Variants in PDCL3 observed in about 807,000 individuals in gnomAD.
PDCL3 encodes the protein phosducin-like protein 3.
Under a neutral mutation model 26.5 loss-of-function variants are expected in PDCL3, and 22 were observed. The observed-to-expected ratio is 0.83, with a 90% confidence interval of 0.59 to 1.19. The LOEUF is 1.19. PDCL3 is among the 50% of genes most tolerant of loss of function. The pLI is 0.00. For missense variants in PDCL3, 246 were observed against 294.1 expected (o/e 0.84, Z 1.20); for synonymous variants, 81 against 104.9 (o/e 0.77, Z 1.39).
At chr2:100,566,748 C>A in intron 2 of PDCL3, 119 bp downstream of exon 2, 1 of 1,450,302 alleles carries the variant, frequency 6.9e-7, no homozygotes. Context: ...GTCTGTGGGA[C>A]CTCAGACAAA....
chr2:100,576,335 C>G lies in PDCL3; in HGVS notation c.578-19C>G. On this transcript the variant is annotated intron_variant, in intron 5 of 5. Coordinates refer to ENST00000264254, the MANE Select transcript of PDCL3 (RefSeq NM_024065.5). ...GCAGCACAGTGCCTTAGGCAATTTG[C>G]TTTTTCTTTACCATATAGAGTTGGA... The G allele has an allele frequency of 6.2e-7, 1 of 1,612,284 alleles. No homozygotes were observed. Among genetic ancestry groups the G allele is most frequent in the Non-Finnish European group, 8.5e-7 (1 of 1,179,318 alleles).
chr2:100,565,275 A>T (rs2104390564), intron 1 of PDCL3, among the ~76,000 whole-genome samples: 1 of 133,214 alleles, frequency 7.5e-6, no homozygotes, highest in Admixed American at 7.5e-5. Flanking sequence ...AGCCTGGAAG[A>T]TTTTTTTTTT....
At position 100,569,794 on chromosome 2, in the gene PDCL3, A is replaced by G. The variant is rs553082577; in HGVS notation, c.368+73A>G. 5.4e-5 allele frequency: 83 copies of G among 1,525,904 alleles called. No individual in the cohort carries two copies. The East Asian group carries it at 1.8e-3, about 34-fold the overall frequency. 94.5% of individuals were successfully genotyped at this position (1,525,904 alleles called of 1,614,324 possible). A position where few individuals can be genotyped will look rare whatever the true frequency, so the allele number is the denominator to read the frequency against. On this transcript the variant is annotated intron_variant, in intron 4 of 5. Coordinates refer to ENST00000264254, the MANE Select transcript of PDCL3 (RefSeq NM_024065.5). Reference sequence around the variant, plus strand: ...GTCTTCAGGATCTCAGGCGTTACCTATATCAGAGGGTTAAGAAATTTTTTT... The same window carrying G: ...GTCTTCAGGATCTCAGGCGTTACCTGTATCAGAGGGTTAAGAAATTTTTTT...
intron 5 of PDCL3, among the ~76,000 whole-genome samples, chr2:100,573,988 TATAG>T (rs1176982501): frequency 5.3e-5 from 8 of 152,166 alleles, no homozygotes; most frequent in African/African-American, 1.9e-4. Flanking sequence ...AAGATATATA[TATAG>T]AGAGAGATAT....
In PDCL3 at chr2:100,571,126, A is replaced by AAACAACAACAAAAAAAAAAAAC. The variant is rs1409370341; in HGVS notation, c.369-462_369-461insCAACAACAAAAAAAAAAAACAA. On this transcript the variant is annotated intron_variant, in intron 4 of 5. Coordinates refer to ENST00000264254, the MANE Select transcript of PDCL3 (RefSeq NM_024065.5). ...AACCCTGTCTTTACAAAAAAAAAAA[A>AAACAACAACAAAAAAAAAAAAC]AAAAAATCAGCTGGGCATGGTGGTG... 7.2e-3 allele frequency among the ~76,000 whole-genome samples: 1,034 copies of AAACAACAACAAAAAAAAAAAAC among 142,762 alleles called. 14 individuals are homozygous for AAACAACAACAAAAAAAAAAAAC. Among genetic ancestry groups the AAACAACAACAAAAAAAAAAAAC allele is most frequent in the African/African-American group, 0.025 (929 of 37,424 alleles). 93.7% of individuals were successfully genotyped at this position (142,762 alleles called of 152,430 possible).
chr2:100,563,963 G>A (rs780793732), intron 1 of PDCL3, among the ~76,000 whole-genome samples: 1 of 150,722 alleles, frequency 6.6e-6, no homozygotes, highest in Non-Finnish European at 1.5e-5. Context: ...CCAGGCTGGA[G>A]TGCAGTGGCT....
chr2:100,563,576 AC>A (rs1674998438), intron 1 of PDCL3: 2 of 148,740 alleles, frequency 1.3e-5, no homozygotes, highest in African/African-American at 5.0e-5. Flanking sequence ...TCCCTATCTG[AC>A]CGCTCGGGTT....
chr2:100,572,609 C>G (rs547777890), intron 5 of PDCL3, among the ~76,000 whole-genome samples: 113 of 152,054 alleles, frequency 7.4e-4, no homozygotes, highest in Admixed American at 1.8e-3. Context: ...CCTCTGCCCC[C>G]CAGGTTCAAG....
In PDCL3 at chr2:100,575,958, G is replaced by T. The variant is rs972973214; in HGVS notation, c.578-396G>T. 7.8e-4 allele frequency among the ~76,000 whole-genome samples: 119 copies of T among 151,896 alleles called. 1 individual carries two copies. Among genetic ancestry groups the T allele is most frequent in the Admixed American group, 7.8e-3 (119 of 15,238 alleles). On this transcript the variant is annotated intron_variant, in intron 5 of 5. Coordinates refer to ENST00000264254, the MANE Select transcript of PDCL3 (RefSeq NM_024065.5). ...CGTGTAGGCTGGAGTGCAGTGACAT[G>T]ATCATGGTTCACTGCAGCCTTGAAC...
intron 4 of PDCL3, among the ~76,000 whole-genome samples, chr2:100,571,114 C>CGGAAA (rs1553417816): frequency 9.2e-6 from 1 of 109,080 alleles, no homozygotes; most frequent in Admixed American, 9.6e-5. Flanking sequence ...CCTGTCTTTA[C>CGGAAA]AAAAAAAAAA....
At chr2:100,566,045 AG>A (rs1484940853) in intron 1 of PDCL3, among the ~76,000 whole-genome samples, 1 of 152,088 alleles carries the variant, frequency 6.6e-6, no homozygotes, top group African/African-American at 2.4e-5. Flanking sequence ...CTGGGACTAC[AG>A]GTGCCCGCCA....
chr2:100,563,159 G>T (rs1456073633), intron 1 of PDCL3, 86 bp downstream of exon 1: 2 of 1,494,172 alleles, frequency 1.3e-6, no homozygotes, highest in South Asian at 1.3e-5. Flanking sequence ...CGCCCGCCCT[G>T]GGGGAAGCTC....
chr2:100,576,309 T>G, intron 5 of PDCL3, 45 bp from the exon 6 acceptor site: 1 of 1,600,642 alleles, frequency 6.2e-7, no homozygotes, highest in Non-Finnish European at 8.5e-7. Flanking sequence ...AGGGAACCTT[T>G]GCAGCACAGT....
At chr2:100,566,352 C>A in intron 1 of PDCL3, 151 bp from the exon 2 acceptor site, 1 of 1,030,746 alleles carries the variant, frequency 9.7e-7, no homozygotes, top group Non-Finnish European at 1.4e-6. Flanking sequence ...AAAACGGGGG[C>A]TATGGATCTT....
intron 5 of PDCL3, among the ~76,000 whole-genome samples, chr2:100,575,676 T>C (rs1316263482): frequency 1.3e-5 from 2 of 152,188 alleles, no homozygotes; most frequent in African/African-American, 4.8e-5. Context: ...CTTTATTATC[T>C]GGTGCTTTTT....
chr2:100,574,451 T>C (rs1212509474), intron 5 of PDCL3, among the ~76,000 whole-genome samples: 1 of 152,070 alleles, frequency 6.6e-6, no homozygotes, highest in East Asian at 1.9e-4. Flanking sequence ...CTTTTTTTTT[T>C]TTTACCCAGC....
chr2:100,570,938 GTTC>G (rs1310979168), intron 4 of PDCL3, among the ~76,000 whole-genome samples: 1 of 152,030 alleles, frequency 6.6e-6, no homozygotes, highest in African/African-American at 2.4e-5. Flanking sequence ...TTGGATTTGT[GTTC>G]TTCACTTTCC....
chr2:100,573,466 G>A (rs1340035951), intron 5 of PDCL3, among the ~76,000 whole-genome samples: 2 of 151,902 alleles, frequency 1.3e-5, no homozygotes, highest in African/African-American at 4.8e-5. Flanking sequence ...CTGAGGTCAG[G>A]AGTTGGAAAC....
chr2:100,564,004 C>T (rs1168916933), intron 1 of PDCL3, among the ~76,000 whole-genome samples: 2 of 151,068 alleles, frequency 1.3e-5, no homozygotes, highest in Non-Finnish European at 2.9e-5. Context: ...CTCGACCTCC[C>T]GGGGCTAAGC....
Sources: allele counts gnomAD v4.1 joint callset (sites outside exome capture counted in the v4.1 genomes callset), GRCh38; gene constraint gnomAD v4.1.1; transcripts MANE v1.5; gene names NCBI Gene and HGNC (gene_info 2026-07-23, HGNC 2026-07-21).